The following CTDP1 variants were observed in gnomAD, a reference collection of about 807,000 sequenced individuals.
CTDP1 encodes the protein CTD phosphatase 1.
CTDP1 carries 47 observed loss-of-function variants against 91.8 expected under a neutral mutation model. The ratio of observed to expected loss-of-function variants is 0.51; its 90% CI spans 0.41 to 0.65. The LOEUF is 0.65. CTDP1 is among the 30% of genes least tolerant of loss of function. The pLI is 0.00. For missense variants in CTDP1, 1,272 were observed against 1,373.7 expected (o/e 0.93, Z 1.17); for synonymous variants, 656 against 598.5 (o/e 1.10, Z -1.40).
chr18:79,730,335 C>T lies in CTDP1; in HGVS notation c.2580+1266C>T, dbSNP rs185892869. 4.1e-3 allele frequency among the ~76,000 whole-genome samples: 620 copies of T among 152,318 alleles called. 8 individuals carry two copies. The highest frequency in any genetic ancestry group is 0.014 in the African/African-American group (565 of 41,570). On this transcript the variant is annotated intron_variant, in intron 11 of 12. Transcript: ENST00000613122. ...GGGGTGGGAGGAGAGGAGGGAGGGA[C>T]GCTGCCTCTTCCTGCCTGGAAGCTG...
chr18:79,715,922 T>G (rs1374002081), intron 8 of CTDP1, among the ~76,000 whole-genome samples: 1 of 152,196 alleles, frequency 6.6e-6, no homozygotes, highest in Non-Finnish European at 1.5e-5. Context: ...AGGTTTCAGC[T>G]GAAACGTGCA....
At chr18:79,715,644 G>A in intron 8 of CTDP1, 116 bp downstream of exon 8, 1 of 1,124,794 alleles carries the variant, frequency 8.9e-7, no homozygotes. Flanking sequence ...ACATTTCCCA[G>A]AATCACCATC....
chr18:79,731,605 C>A (rs2086567606), intron 11 of CTDP1, among the ~76,000 whole-genome samples: 1 of 152,212 alleles, frequency 6.6e-6, no homozygotes, highest in African/African-American at 2.4e-5. Context: ...AAAACCCGTC[C>A]CCGTGTAGCA....
rs2085316620 is a variant in CTDP1 at position 79,679,864 on chromosome 18, C to T, written c.-84C>T. 7.2e-6 allele frequency: 9 copies of T among 1,252,634 alleles called. No individual in the cohort carries two copies. Among genetic ancestry groups the T allele is most frequent in the Non-Finnish European group, 8.3e-6 (8 of 965,168 alleles). The allele number at this position is 1,252,634 out of a possible 1,614,324, so 77.6% of individuals were successfully genotyped here. ...ACCGAGAGGAACTACAGCGTCGCCG[C>T]CTGGGTTGTGTCGCCGCGGTAGGCG... On this transcript the variant is annotated 5_prime_UTR_variant, in exon 1 of 13. Transcript: ENST00000613122.
chr18:79,685,148 C>T (rs1205082435), intron 1 of CTDP1, among the ~76,000 whole-genome samples: 11 of 151,854 alleles, frequency 7.2e-5, no homozygotes, highest in African/African-American at 2.4e-4. Context: ...TGGTTCTCTG[C>T]GTGCTGCTCT....
At chr18:79,717,469 GCCGGATGTGGGCCCTGAGCCT>G in intron 8 of CTDP1, 45 bp from the exon 9 acceptor site, 1 of 1,603,172 alleles carries the variant, frequency 6.2e-7, no homozygotes, top group South Asian at 1.1e-5. Context: ...GGTGGGTGCA[GCCGGATGTGGGCCCTGAGCCT>G]CCAGTGCTGG....
At chr18:79,689,152 A>G (rs900469280) in intron 1 of CTDP1, among the ~76,000 whole-genome samples, 12 of 152,302 alleles carry the variant, frequency 7.9e-5, no homozygotes, top group African/African-American at 2.9e-4. Context: ...AACCCTCAAG[A>G]GTCAGCTCCT....
At chr18:79,704,718 CG>C in intron 4 of CTDP1, 48 bp from the exon 5 acceptor site, 1 of 1,609,632 alleles carries the variant, frequency 6.2e-7, no homozygotes. Context: ...CGGGGGCGGC[CG>C]GGGCTCCTCA....
chr18:79,731,912 G>A (rs906281387), intron 11 of CTDP1, among the ~76,000 whole-genome samples: 5 of 148,856 alleles, frequency 3.4e-5, no homozygotes, highest in African/African-American at 5.0e-5. Context: ...CCAAAATCAC[G>A]TGAGATGTAA....
At position 79,736,408 on chromosome 18, in the gene CTDP1, G is replaced by T; in HGVS notation, c.2634G>T (p.Arg878Ser). ...GSDDSDSEKRRPEEQEEEPQP... is the reference protein window; with the variant it reads ...GSDDSDSEKRSPEEQEEEPQP... ...ACGACAGCGACAGCGAGAAGAGGAG[G>T]CCTGAGGAGCAGGAGGAGGAGCCCC... The change falls in exon 12 of 13, where the codon AGG becomes AGT. Residue 878 changes from arginine to serine, a missense_variant. Physicochemically the swap from Arg to Ser is moderately radical, Grantham distance 110 (BLOSUM62 -1). Transcript: ENST00000613122. 1 of 1,549,506 alleles carries T rather than the reference G, an allele frequency of 6.5e-7. No individual in the cohort carries two copies. Among genetic ancestry groups the T allele is most frequent in the South Asian group, 1.2e-5 (1 of 83,986 alleles).
chr18:79,742,721 G>A (rs188926688), intron 12 of CTDP1, among the ~76,000 whole-genome samples: 4 of 152,224 alleles, frequency 2.6e-5, no homozygotes, highest in African/African-American at 7.2e-5. Flanking sequence ...ACTTTAGGAT[G>A]CCGAGGTGGG....
intron 11 of CTDP1, among the ~76,000 whole-genome samples, chr18:79,729,279 G>A (rs1168714054): frequency 5.9e-5 from 9 of 152,222 alleles, no homozygotes; most frequent in African/African-American, 1.9e-4. Context: ...CAATGTGTCC[G>A]CAGTGTGTGG....
At chr18:79,709,873 C>G (rs577435057) in intron 5 of CTDP1, among the ~76,000 whole-genome samples, 13 of 152,354 alleles carry the variant, frequency 8.5e-5, no homozygotes, top group Admixed American at 2.0e-4. Flanking sequence ...CTTTCCTCCA[C>G]TAACCATTAC....
At chr18:79,724,874 G>A (rs1459698594) in intron 10 of CTDP1, among the ~76,000 whole-genome samples, 2 of 152,178 alleles carry the variant, frequency 1.3e-5, no homozygotes, top group African/African-American at 2.4e-5. Context: ...TGTCGCCGGC[G>A]CCGTCCTCCC....
chr18:79,689,738 A>T (rs886127413), intron 1 of CTDP1, among the ~76,000 whole-genome samples: 2 of 152,242 alleles, frequency 1.3e-5, no homozygotes, highest in African/African-American at 4.8e-5. Flanking sequence ...CTAAGATCAC[A>T]CCACTGCACT....
chr18:79,748,230 T>C (rs1321133470), intron 12 of CTDP1, among the ~76,000 whole-genome samples: 3 of 152,200 alleles, frequency 2.0e-5, no homozygotes, highest in Non-Finnish European at 4.4e-5. Flanking sequence ...CTAAAGTCCA[T>C]TCATCTCGTA....
In CTDP1 at chr18:79,708,755, GT is replaced by G. The variant is rs371143870; in HGVS notation, c.773-1590del. 4.8e-3 allele frequency among the ~76,000 whole-genome samples: 730 copies of G among 152,396 alleles called. 10 individuals are homozygous for G. The highest frequency in any genetic ancestry group is 0.017 in the African/African-American group (703 of 41,600). On this transcript the variant is annotated intron_variant, in intron 5 of 12. Transcript: ENST00000613122. ...CCCGACTCTGGACCGGCTCACTCTTGTGCAATCCAGTCCCCGTTTTGTTCCA... is the reference window on the plus strand; with the variant it reads ...CCCGACTCTGGACCGGCTCACTCTTGGCAATCCAGTCCCCGTTTTGTTCCA...
intron 3 of CTDP1, among the ~76,000 whole-genome samples, chr18:79,696,521 G>T (rs903497131): frequency 1.3e-5 from 2 of 151,794 alleles, no homozygotes; most frequent in Non-Finnish European, 2.9e-5. Context: ...GTGGCCGGGG[G>T]TAGGGGCGGG....
In CTDP1 at chr18:79,729,077, A is replaced by C. The variant is rs775552821; in HGVS notation, c.2580+8A>C. ...GAGAGTATGGACAAAGAGGTGAGCC[A>C]ACCCCACGCCCCGGTGCCCGCGCCA... On this transcript the variant is annotated splice_region_variant and intron_variant, in intron 11 of 12. Coordinates refer to ENST00000613122, the MANE Select transcript of CTDP1 (RefSeq NM_004715.5). 3 of 1,612,628 alleles carry C rather than the reference A, an allele frequency of 1.9e-6. No homozygotes were observed. Among genetic ancestry groups the C allele is most frequent in the Non-Finnish European group, 2.5e-6 (3 of 1,180,012 alleles).
Sources: gnomAD v4.1 joint callset for allele counts (sites outside exome capture counted in the v4.1 genomes callset) on GRCh38, gnomAD v4.1.1 for gene constraint, MANE v1.5 for transcripts, NCBI Gene and HGNC (gene_info 2026-07-23, HGNC 2026-07-21) for gene names.